CHST11: variants seen among roughly 807,000 people sequenced by gnomAD.
The protein encoded by CHST11 is carbohydrate sulfotransferase 11, also known as C4S-1.
In CHST11, 9 loss-of-function variants were observed where a neutral mutation model predicts 30.4. That is an observed-to-expected ratio of 0.30 (90% confidence interval 0.18 to 0.52). The LOEUF is 0.52. Ranked by LOEUF, CHST11 falls within the 20% of genes least tolerant of loss-of-function variation. The pLI, the probability that CHST11 is intolerant of heterozygous loss-of-function variation, is 0.97. For missense variants in CHST11, 348 were observed against 460.6 expected (o/e 0.76, Z 2.24); for synonymous variants, 152 against 187.8 (o/e 0.81, Z 1.56).
At chr12:104,705,899 G>A (rs182578037) in intron 2 of CHST11, among the ~76,000 whole-genome samples, 21 of 149,150 alleles carry the variant, frequency 1.4e-4, no homozygotes, top group South Asian at 1.3e-3. Context: ...GAGACAGAGC[G>A]ATACTCTGTC....
intron 2 of CHST11, among the ~76,000 whole-genome samples, chr12:104,732,709 G>A (rs2040267401): frequency 6.6e-6 from 1 of 152,146 alleles, no homozygotes; most frequent in African/African-American, 2.4e-5. Flanking sequence ...TCCGATTGGT[G>A]TTGCTGTCAC....
At chr12:104,610,056 T>A (rs2039044506) in intron 2 of CHST11, among the ~76,000 whole-genome samples, 1 of 49,238 alleles carries the variant, frequency 2.0e-5, no homozygotes, top group South Asian at 5.5e-4. Flanking sequence ...TGTGTGTGTG[T>A]GTGTGTGTGT....
chr12:104,546,922 A>C (rs1565982499), intron 1 of CHST11, among the ~76,000 whole-genome samples: 1 of 152,238 alleles, frequency 6.6e-6, no homozygotes, highest in East Asian at 1.9e-4. Flanking sequence ...CCTCCAAAGT[A>C]CTAGTGAAGT....
chr12:104,566,965 A>G (rs1044539787), intron 1 of CHST11, among the ~76,000 whole-genome samples: 1 of 152,088 alleles, frequency 6.6e-6, no homozygotes, highest in Non-Finnish European at 1.5e-5. Context: ...TGTAAGGTGA[A>G]TGAATATAAA....
At chr12:104,507,362 G>A (rs564490674) in intron 1 of CHST11, among the ~76,000 whole-genome samples, 10 of 152,218 alleles carry the variant, frequency 6.6e-5, no homozygotes, top group Admixed American at 2.0e-4. Context: ...GACAGATCCT[G>A]CTTTTGCTGC....
intron 2 of CHST11, among the ~76,000 whole-genome samples, chr12:104,747,905 G>A (rs111483000): frequency 1.3e-5 from 2 of 152,072 alleles, no homozygotes; most frequent in Non-Finnish European, 2.9e-5. Context: ...TTTAATTTAA[G>A]GGAAACCAGC....
rs1217867803 is a variant in CHST11, at chr12:104,484,773, A to G, written c.118+27244A>G. ...GAAGGACAGGGTGTCAAGAGAGCAC[A>G]TAGCAAGGAAACCTAATGAATGTTG... On this transcript the variant is annotated intron_variant, in intron 1 of 2. Transcript: ENST00000303694. Among the ~76,000 whole-genome samples the G allele has an allele frequency of 3.3e-5, 5 of 152,226 alleles. No homozygotes were observed. In the South Asian group the frequency reaches 8.3e-4, roughly 25 times the overall value.
chr12:104,461,379 C>T (rs1283122961), intron 1 of CHST11, among the ~76,000 whole-genome samples: 2 of 152,240 alleles, frequency 1.3e-5, no homozygotes, highest in East Asian at 1.9e-4. Context: ...GTGATTTCTA[C>T]ACAGGTTTGA....
chr12:104,566,793 G>A (rs925727706), intron 1 of CHST11, among the ~76,000 whole-genome samples: 4 of 152,024 alleles, frequency 2.6e-5, no homozygotes, highest in Admixed American at 1.3e-4. Flanking sequence ...GTGTGAGTAC[G>A]GCAGACATCA....
intron 2 of CHST11, among the ~76,000 whole-genome samples, chr12:104,699,291 C>G (rs989354488): frequency 2.6e-5 from 4 of 152,052 alleles, no homozygotes; most frequent in Admixed American, 2.6e-4. Flanking sequence ...ATTTTGCCAG[C>G]CTGAATTGAG....
At chr12:104,664,309 T>C (rs889756912) in intron 2 of CHST11, among the ~76,000 whole-genome samples, 3 of 152,202 alleles carry the variant, frequency 2.0e-5, no homozygotes, top group Middle Eastern at 3.2e-3. Context: ...ATGAGGATGC[T>C]AACAAAAATG....
rs1195571800 is a variant in CHST11, at chr12:104,729,264, C to T, written c.205-27685C>T. 6.6e-6 allele frequency among the ~76,000 whole-genome samples: 1 copy of T among 152,210 alleles called. No homozygotes were observed. The highest frequency in any genetic ancestry group is 1.5e-5 in the Non-Finnish European group (1 of 68,046). ...ATACTCTGTCCCCTTGAGCAAGCCT[C>T]TCTGTGACCTACAGCTTCCTCCCCT... On this transcript the variant is annotated intron_variant, in intron 2 of 2. Coordinates refer to ENST00000303694, the MANE Select transcript of CHST11 (RefSeq NM_018413.6). This position sits in a 1 kb window ranked among gnomAD's most constrained non-coding sequence, Gnocchi z 4.0.
rs187774946 is a variant in CHST11 at position 104,475,923 on chromosome 12, T to A, written c.118+18394T>A. The stretch of plus-strand genomic sequence containing the variant: ...CATATATATATATATGACTTTTTTT[T>A]AGAAGCGGGTCCCTTATATTATATA... On this transcript the variant is annotated intron_variant, in intron 1 of 2. Transcript: ENST00000303694. Among the ~76,000 whole-genome samples, 1,163 of 144,092 alleles carry A rather than the reference T, an allele frequency of 8.1e-3. 16 individuals carry two copies. Among genetic ancestry groups the A allele is most frequent in the African/African-American group, 0.027 (1,088 of 39,784 alleles). The allele number at this position is 144,092 out of a possible 152,430, so 94.5% of individuals were successfully genotyped here. A position where few individuals can be genotyped will look rare whatever the true frequency, so the allele number is the denominator to read the frequency against.
chr12:104,570,424 C>T (rs1392238908), intron 1 of CHST11, among the ~76,000 whole-genome samples: 1 of 152,078 alleles, frequency 6.6e-6, no homozygotes, highest in African/African-American at 2.4e-5. Flanking sequence ...CTGTGCAGCC[C>T]ACCCAAGCCA....
chr12:104,619,405 G>C (rs545291239), intron 2 of CHST11, among the ~76,000 whole-genome samples: 1 of 152,292 alleles, frequency 6.6e-6, no homozygotes, highest in East Asian at 1.9e-4. Flanking sequence ...TTAGGAGGCT[G>C]CTTTTAGATG....
At chr12:104,529,528 C>T (rs1217133584) in intron 1 of CHST11, among the ~76,000 whole-genome samples, 3 of 152,166 alleles carry the variant, frequency 2.0e-5, no homozygotes, top group African/African-American at 4.8e-5. Context: ...TTGATTTCTC[C>T]GTGATACATG....
intron 1 of CHST11, among the ~76,000 whole-genome samples, chr12:104,517,388 T>C (rs546881454): frequency 2.0e-5 from 3 of 152,322 alleles, no homozygotes; most frequent in Non-Finnish European, 2.9e-5. Flanking sequence ...CAGTGCCCTC[T>C]TCCTTCTGAA....
intron 1 of CHST11, among the ~76,000 whole-genome samples, chr12:104,470,456 C>G (rs1259070775): frequency 6.6e-6 from 1 of 152,146 alleles, no homozygotes; most frequent in Non-Finnish European, 1.5e-5. Context: ...AAACCACCCC[C>G]ATGATCCAAC....
intron 1 of CHST11, among the ~76,000 whole-genome samples, chr12:104,512,259 T>C (rs1197333718): frequency 6.6e-6 from 1 of 152,192 alleles, no homozygotes; most frequent in African/African-American, 2.4e-5. Flanking sequence ...AATTTTCTGG[T>C]ATGATTTTAA....
Sources: allele counts gnomAD v4.1 joint callset (sites outside exome capture counted in the v4.1 genomes callset), GRCh38; gene constraint gnomAD v4.1.1; non-coding constraint Gnocchi (gnomAD v3.1); transcripts MANE v1.5; gene names NCBI Gene and HGNC (gene_info 2026-07-23, HGNC 2026-07-21).